Variants in TCTN2 observed in about 807,000 individuals in gnomAD.
The protein encoded by TCTN2 is tectonic family member 2.
Under a neutral mutation model 83.4 loss-of-function variants are expected in TCTN2, and 66 were observed. The observed-to-expected ratio is 0.79, with a 90% CI of 0.65 to 0.97. The LOEUF is 0.97. TCTN2 is among the 50% of genes least tolerant of loss of function. TCTN2 has a pLI of 0.00. For synonymous variants in TCTN2, 301 were observed against 326.7 expected (o/e 0.92, Z 0.85); for missense variants, 794 against 858.1 (o/e 0.93, Z 0.93).
chr12:123,705,897 C>A (rs1956223010), intron 15 of TCTN2, among the ~76,000 whole-genome samples: 1 of 151,708 alleles, frequency 6.6e-6, no homozygotes, highest in African/African-American at 2.4e-5. Context: ...GCTGAGGTTA[C>A]AAGCATGTGG....
intron 5 of TCTN2, among the ~76,000 whole-genome samples, chr12:123,684,427 G>A (rs978015915): frequency 1.3e-4 from 19 of 145,748 alleles, no homozygotes; most frequent in Non-Finnish European, 2.2e-4. Flanking sequence ...TTAAGACAGA[G>A]TCTTGATCCG....
rs544472748 is a variant in TCTN2 at position 123,707,782 on chromosome 12, G to A, written c.*69G>A. 1.4e-5 allele frequency: 17 copies of A among 1,216,590 alleles called. No individual in the cohort carries two copies. In the African/African-American group the frequency reaches 1.8e-4, roughly 13 times the overall value. 75.4% of individuals were successfully genotyped at this position (1,216,590 alleles called of 1,614,324 possible). ...TGTTGCCCAGGCTGAAGTGATCTCG[G>A]CTCACCACAACCTCCTCCTCTTGGG... is the stretch of plus-strand genomic sequence containing the variant. On this transcript the variant is annotated 3_prime_UTR_variant, in exon 18 of 18. Coordinates refer to ENST00000303372, the MANE Select transcript of TCTN2 (RefSeq NM_024809.5).
chr12:123,700,166 C>T, intron 14 of TCTN2: 2 of 390,080 alleles, frequency 5.1e-6, no homozygotes, highest in Non-Finnish European at 9.7e-6. Flanking sequence ...TGTGCGCCAC[C>T]ACATCTGGCT....
intron 11 of TCTN2, 22 bp downstream of exon 11, chr12:123,695,319 C>T: frequency 6.7e-7 from 1 of 1,487,174 alleles, no homozygotes; most frequent in Non-Finnish European, 9.4e-7. Flanking sequence ...ATATGCCAGT[C>T]ATTGATCTTA....
At chr12:123,687,097 T>C in intron 6 of TCTN2, 62 bp downstream of exon 6, 1 of 1,573,972 alleles carries the variant, frequency 6.4e-7, no homozygotes, top group Admixed American at 1.7e-5. Context: ...GGGGCCATAC[T>C]CTAGTAGGCC....
intron 16 of TCTN2, 49 bp from the exon 17 acceptor site, chr12:123,706,936 C>T (rs778348422): frequency 1.2e-6 from 2 of 1,613,118 alleles, no homozygotes; most frequent in South Asian, 2.2e-5. Flanking sequence ...TAATCAAGTT[C>T]TGATACTTCT....
At position 123,688,101 on chromosome 12, in the gene TCTN2, AAG is replaced by A; in HGVS notation, c.817_818del (p.Asp273LeufsTer44). Reference sequence around the variant, plus strand: ...GAAGTATATGTGGATACTGACGCAAAAGACTTTGCAGACTTTGGTTACAAACA... The same window carrying A: ...GAAGTATATGTGGATACTGACGCAAAACTTTGCAGACTTTGGTTACAAACA... On this transcript the variant is annotated frameshift_variant, in exon 7 of 18. Transcript: ENST00000303372. LOFTEE classifies it high-confidence loss of function. The A allele has an allele frequency of 6.2e-7, 1 of 1,614,190 alleles. No homozygotes were observed. Among genetic ancestry groups the A allele is most frequent in the East Asian group, 2.2e-5 (1 of 44,892 alleles).
intron 4 of TCTN2, among the ~76,000 whole-genome samples, chr12:123,676,212 G>C (rs1955818545): frequency 6.6e-6 from 1 of 151,998 alleles, no homozygotes; most frequent in Non-Finnish European, 1.5e-5. Flanking sequence ...CCCAGGAGGT[G>C]GAGGCTGCAG....
chr12:123,707,295 G>A, intron 17 of TCTN2: 2 of 614,776 alleles, frequency 3.3e-6, no homozygotes, highest in Non-Finnish European at 5.7e-6. Flanking sequence ...CACCCTGGCT[G>A]GAGTGCAGTG....
chr12:123,684,440 G>T (rs1460507183), intron 5 of TCTN2, among the ~76,000 whole-genome samples: 2 of 142,484 alleles, frequency 1.4e-5, no homozygotes, highest in Admixed American at 1.5e-4. Context: ...TTGATCCGTC[G>T]CCCAGGCTGG....
At chr12:123,706,598 G>A (rs936333690) in intron 15 of TCTN2, 128 bp from the exon 16 acceptor site, 2 of 1,382,760 alleles carry the variant, frequency 1.4e-6, no homozygotes, top group Non-Finnish European at 1.0e-6. Context: ...AGAAAAAACA[G>A]CCCAGGTAGA....
Position 123,708,071 on chromosome 12 carries a change from A to G in TCTN2, c.*358A>G. 1 of 259,348 alleles carries G rather than the reference A, an allele frequency of 3.9e-6. No homozygotes were observed. Among genetic ancestry groups the G allele is most frequent in the South Asian group, 3.9e-5 (1 of 25,476 alleles). The allele number at this position is 259,348 out of a possible 1,614,324, so 16.1% of individuals were successfully genotyped here. ...TCACCCAGGCTGGAGTGCAGTGCAC[A>G]ATCTCGGCTCACTGCAATCTCTGCC... On this transcript the variant is annotated 3_prime_UTR_variant, in exon 18 of 18. Coordinates refer to ENST00000303372, the MANE Select transcript of TCTN2 (RefSeq NM_024809.5).
intron 13 of TCTN2, 40 bp from the exon 14 acceptor site, chr12:123,699,664 C>T (rs765468832): frequency 1.3e-6 from 2 of 1,517,234 alleles, no homozygotes; most frequent in Non-Finnish European, 9.2e-7. Flanking sequence ...AGGACAAGAC[C>T]TGCTGGCCAT....
At position 123,696,499 on chromosome 12, in the gene TCTN2, A is replaced by T. The variant is rs1485552498; in HGVS notation, c.1393+4A>T. 2 of 1,613,684 alleles carry T rather than the reference A, an allele frequency of 1.2e-6. No homozygotes were observed. Among genetic ancestry groups the T allele is most frequent in the Non-Finnish European group, 1.7e-6 (2 of 1,179,596 alleles). On this transcript the variant is annotated splice_donor_region_variant and intron_variant, in intron 12 of 17. Coordinates refer to ENST00000303372, the MANE Select transcript of TCTN2 (RefSeq NM_024809.5). The stretch of plus-strand genomic sequence containing the variant: ...ACTTTACATCTTTGGCAATCGGGTA[A>T]TCCGGTTTGGTCATTATGATTAGCC...
Position 123,699,878 on chromosome 12 carries a change from A to G in TCTN2, c.1612+68A>G, listed in dbSNP as rs1956152440. The G allele has an allele frequency of 3.2e-6, 4 of 1,239,642 alleles. No homozygotes were observed. In the East Asian group the frequency reaches 7.0e-5, roughly 22 times the overall value. The allele number at this position is 1,239,642 out of a possible 1,614,324, so 76.8% of individuals were successfully genotyped here. On this transcript the variant is annotated intron_variant, in intron 14 of 17. Coordinates refer to ENST00000303372, the MANE Select transcript of TCTN2 (RefSeq NM_024809.5). ...TGTGACTACCAACTGTAGTCGCAGC[A>G]TTAGAGCCCAACCCAGTAGGTCATC...
intron 3 of TCTN2, 114 bp from the exon 4 acceptor site, chr12:123,673,501 C>A (rs1955781101): frequency 9.8e-7 from 1 of 1,024,848 alleles, no homozygotes; most frequent in Non-Finnish European, 1.5e-6. Context: ...GTATACATTT[C>A]CCTTTTATAA....
rs182579964 is a variant in TCTN2 at position 123,677,358 on chromosome 12, T to C, written c.464-1831T>C. 1.6e-3 allele frequency among the ~76,000 whole-genome samples: 237 copies of C among 152,368 alleles called. 1 individual carries two copies. The highest frequency in any genetic ancestry group is 5.4e-3 in the African/African-American group (223 of 41,588). On this transcript the variant is annotated intron_variant, in intron 4 of 17. Coordinates refer to ENST00000303372, the MANE Select transcript of TCTN2 (RefSeq NM_024809.5). Reference sequence around the variant, plus strand: ...ATAGAACAGATCGTTAGTTGTTCTTTAGATACTTCAGCTATTGTGTCATTA... The same window carrying C: ...ATAGAACAGATCGTTAGTTGTTCTTCAGATACTTCAGCTATTGTGTCATTA...
chr12:123,672,239 A>T (rs182184154), intron 3 of TCTN2, 107 bp downstream of exon 3: 116 of 1,030,066 alleles, frequency 1.1e-4, no homozygotes, highest in Non-Finnish European at 1.6e-4. Flanking sequence ...CATGCTCTCA[A>T]CAATCATGAA....
In TCTN2 at chr12:123,679,086, C is replaced by T. The variant is rs542913899; in HGVS notation, c.464-103C>T. On this transcript the variant is annotated intron_variant, in intron 4 of 17. Coordinates refer to ENST00000303372, the MANE Select transcript of TCTN2 (RefSeq NM_024809.5). Reference sequence around the variant, plus strand: ...TGCTGGGATTACAGGCGTGAGCCACCGCGCCTGGCCGATAATTCAGCTTTC... The same window carrying T: ...TGCTGGGATTACAGGCGTGAGCCACTGCGCCTGGCCGATAATTCAGCTTTC... 36 of 1,069,628 alleles carry T rather than the reference C, an allele frequency of 3.4e-5. 1 individual carries two copies. Among genetic ancestry groups the T allele is most frequent in the South Asian group, 2.0e-4 (16 of 79,456 alleles). The allele number at this position is 1,069,628 out of a possible 1,614,324, so 66.3% of individuals were successfully genotyped here.
Sources: allele counts gnomAD v4.1 joint callset (sites outside exome capture counted in the v4.1 genomes callset), GRCh38; gene constraint gnomAD v4.1.1; transcripts MANE v1.5; gene names NCBI Gene and HGNC (gene_info 2026-07-23, HGNC 2026-07-21).